JCAD: variants seen among roughly 807,000 people sequenced by gnomAD.
The protein encoded by JCAD is junctional cadherin 5 associated.
JCAD carries 40 observed loss-of-function variants against 98.0 expected under a neutral mutation model. The observed-to-expected ratio is 0.41, with a 90% CI of 0.32 to 0.53. JCAD has a LOEUF of 0.53. Among genes scored for constraint, JCAD ranks in the 20% least tolerant of loss-of-function variants. The probability of loss-of-function intolerance (pLI) is 0.31; values close to 1 mark genes in which losing one functional copy is unlikely to be tolerated. For synonymous variants in JCAD, 691 were observed against 682.3 expected, an observed-to-expected ratio of 1.01 and a Z score of -0.20; for missense variants, 1,705 against 1,738.1, an observed-to-expected ratio of 0.98 and a Z score of 0.34.
In JCAD at chr10:30,025,898, TA is replaced by T. The variant is rs534750709; in HGVS notation, c.4045+204del. 7.2e-4 allele frequency: 466 copies of T among 650,474 alleles called. 5 individuals carry two copies. In the East Asian group the frequency reaches 0.013, roughly 18 times the overall value. 40.3% of individuals were successfully genotyped at this position (650,474 alleles called of 1,614,324 possible). A position where few individuals can be genotyped will look rare whatever the true frequency, so the allele number is the denominator to read the frequency against. On this transcript the variant is annotated intron_variant, in intron 3 of 3. Coordinates refer to ENST00000375377, the MANE Select transcript of JCAD (RefSeq NM_020848.4). ...AGAGTGAGATACTATCTCAAAAAAA[TA>T]AAATATACTGCAAGATCTTGAATTT...
chr10:30,094,606 C>T (rs138908426), intron 1 of JCAD, among the ~76,000 whole-genome samples: 6 of 152,270 alleles, frequency 3.9e-5, no homozygotes, highest in African/African-American at 7.2e-5. Context: ...TGAAAGCAGA[C>T]GAGTGCTACT....
At chr10:30,032,603 AT>A (rs1305206736) in intron 2 of JCAD, among the ~76,000 whole-genome samples, 1 of 152,200 alleles carries the variant, frequency 6.6e-6, no homozygotes, top group Non-Finnish European at 1.5e-5. Context: ...ACAGTAATGG[AT>A]TCATTGTTGA....
chr10:30,035,743 C>T (rs1421489168), intron 2 of JCAD, among the ~76,000 whole-genome samples: 2 of 152,198 alleles, frequency 1.3e-5, no homozygotes, highest in African/African-American at 4.8e-5. Flanking sequence ...GGAAAACATG[C>T]TGAACACATT....
At chr10:30,080,935 G>A (rs1838072084) in intron 1 of JCAD, among the ~76,000 whole-genome samples, 1 of 152,192 alleles carries the variant, frequency 6.6e-6, no homozygotes, top group Admixed American at 6.5e-5. Context: ...CCTCTTTCAT[G>A]ACTTGTTCTC....
chr10:30,027,880 G>A lies in JCAD; in HGVS notation c.2268C>T (p.Leu756=). Residue 756 remains leucine (L), a synonymous_variant, in exon 3 of 4, where the codon CTC becomes CTT. Coordinates refer to ENST00000375377, the MANE Select transcript of JCAD (RefSeq NM_020848.4). The part of the protein sequence containing the change: ...SARNLKGHRS[L]SPSSNSAFSR... ...AGAACGCACTGTTGCTGGATGGGCTGAGGGACCTGTGACCTTTCAGGTTAC... is the reference window on the plus strand; with the variant it reads ...AGAACGCACTGTTGCTGGATGGGCTAAGGGACCTGTGACCTTTCAGGTTAC... 1 of 1,614,248 alleles carries A rather than the reference G, an allele frequency of 6.2e-7. No homozygotes were observed. Among genetic ancestry groups the A allele is most frequent in the Non-Finnish European group, 8.5e-7 (1 of 1,180,036 alleles).
chr10:30,059,410 A>C lies in JCAD; in HGVS notation c.-60+72T>G, dbSNP rs1454403440. 2 of 151,500 alleles carry C rather than the reference A, an allele frequency of 1.3e-5. No homozygotes were observed. Among genetic ancestry groups the C allele is most frequent in the East Asian group, 3.9e-4 (2 of 5,164 alleles). The allele number at this position is 151,500 out of a possible 1,614,324, so 9.4% of individuals were successfully genotyped here. On this transcript the variant is annotated intron_variant, in intron 1 of 3. Transcript: ENST00000375377. The surrounding 1 kb of genome is among the most constrained non-coding windows in gnomAD (Gnocchi z 5.0). ...GGGGGAGTGCGGGAGGCTGCGGGTG[A>C]GGCCCGCGAAGCGCCGTGGGAGCGG...
intron 1 of JCAD, among the ~76,000 whole-genome samples, chr10:30,070,911 G>T (rs1302472737): frequency 6.6e-6 from 1 of 152,116 alleles, no homozygotes. Flanking sequence ...GTTGTTGTTT[G>T]TTTGTTTGTT....
chr10:30,054,563 CTT>C lies in JCAD; in HGVS notation c.-60+4917_-60+4918del, dbSNP rs529019209. On this transcript the variant is annotated intron_variant, in intron 1 of 3. Coordinates refer to ENST00000375377, the MANE Select transcript of JCAD (RefSeq NM_020848.4). ...CATCACCAATCATCATTATTCATAACTTAATATATTAACATATTACATAACTT... is the reference window on the plus strand; with the variant it reads ...CATCACCAATCATCATTATTCATAACAATATATTAACATATTACATAACTT... Among the ~76,000 whole-genome samples, 691 of 151,834 alleles carry C rather than the reference CTT, an allele frequency of 4.6e-3. 10 individuals carry two copies. In the South Asian group the frequency reaches 0.051, roughly 11 times the overall value.
intron 2 of JCAD, among the ~76,000 whole-genome samples, chr10:30,040,659 G>T (rs1356277692): frequency 6.6e-6 from 1 of 152,222 alleles, no homozygotes; most frequent in Non-Finnish European, 1.5e-5. Context: ...GTTTCTGAGA[G>T]CCTGAAGGAC....
chr10:30,089,854 C>T (rs1289926662), intron 1 of JCAD, among the ~76,000 whole-genome samples: 1 of 152,118 alleles, frequency 6.6e-6, no homozygotes, highest in Non-Finnish European at 1.5e-5. Flanking sequence ...CTCTGCTGTA[C>T]AAAAGTGATT....
At chr10:30,049,342 T>C (rs1837420868) in intron 1 of JCAD, among the ~76,000 whole-genome samples, 1 of 152,226 alleles carries the variant, frequency 6.6e-6, no homozygotes, top group African/African-American at 2.4e-5. Flanking sequence ...AAACGCCTGC[T>C]GGCCCGTGTG....
intron 1 of JCAD, among the ~76,000 whole-genome samples, chr10:30,092,245 G>A (rs186663109): frequency 1.3e-4 from 20 of 150,576 alleles, no homozygotes; most frequent in African/African-American, 4.6e-4. Context: ...GAGAATGGCC[G>A]AGAAAGCAGA....
At chr10:30,020,125 G>A (rs959462319) in intron 3 of JCAD, among the ~76,000 whole-genome samples, 4 of 151,770 alleles carry the variant, frequency 2.6e-5, no homozygotes, top group African/African-American at 9.7e-5. Flanking sequence ...GGTCGAGTTG[G>A]AGACCAGCCT....
At chr10:30,084,015 A>T (rs3909033) in intron 1 of JCAD, among the ~76,000 whole-genome samples, 1 of 151,942 alleles carries the variant, frequency 6.6e-6, no homozygotes, top group Admixed American at 6.6e-5. Context: ...GAGTGAATGA[A>T]AAAAAGAAAG....
rs1309962221 is a variant in JCAD, at chr10:30,016,773, T to C, written c.*1110A>G. On this transcript the variant is annotated 3_prime_UTR_variant, in exon 4 of 4. Coordinates refer to ENST00000375377, the MANE Select transcript of JCAD (RefSeq NM_020848.4). ...GTTGATACGGCAGCAAAAATTGTCA[T>C]GACAATGTTGGCTGGTTTTCAGAGG... 2.0e-5 allele frequency: 3 copies of C among 152,226 alleles called. No homozygotes were observed. Among genetic ancestry groups the C allele is most frequent in the Non-Finnish European group, 4.4e-5 (3 of 68,046 alleles). The allele number at this position is 152,226 out of a possible 1,614,324, so 9.4% of individuals were successfully genotyped here.
Position 30,026,507 on chromosome 10 carries a change from G to T in JCAD, c.3641C>A (p.Ser1214Tyr), listed in dbSNP as rs188362362. The change falls in exon 3 of 4, where the codon TCC (serine) becomes TAC (tyrosine). Residue 1214 changes from serine (S) to tyrosine (Y), a missense_variant. Transcript: ENST00000375377. ...KDVETKPPFRSTLFHFVERTP... is the reference protein window; with the variant it reads ...KDVETKPPFRYTLFHFVERTP... ...TCTTTCTACAAAATGGAATAAAGTG[G>T]ACCTGAAGGGTGGTTTTGTTTCCAC... The T allele has an allele frequency of 6.2e-7, 1 of 1,614,236 alleles. No homozygotes were observed. The highest frequency in any genetic ancestry group is 8.5e-7 in the Non-Finnish European group (1 of 1,180,044).
At chr10:30,067,872 G>A (rs1837812974) in intron 2 of JCAD, among the ~76,000 whole-genome samples, 1 of 152,138 alleles carries the variant, frequency 6.6e-6, no homozygotes, top group African/African-American at 2.4e-5. Context: ...TGCATACCTA[G>A]GCTACGTGCT....
intron 1 of JCAD, among the ~76,000 whole-genome samples, chr10:30,089,602 G>A (rs1838227931): frequency 6.6e-6 from 1 of 151,130 alleles, no homozygotes; most frequent in African/African-American, 2.4e-5. Flanking sequence ...CTTTTCAAAA[G>A]TCCCTTCTGA....
intron 1 of JCAD, among the ~76,000 whole-genome samples, chr10:30,113,174 G>T (rs61841153): frequency 0.21 from 31,842 of 152,054 alleles, 3,761 homozygotes; most frequent in East Asian, 0.32. Flanking sequence ...TGAATAGGAG[G>T]GTCAAAGAAA....
Sources: allele counts gnomAD v4.1 joint callset (sites outside exome capture counted in the v4.1 genomes callset), GRCh38; gene constraint gnomAD v4.1.1; non-coding constraint Gnocchi (gnomAD v3.1); transcripts MANE v1.5; gene names NCBI Gene and HGNC (gene_info 2026-07-23, HGNC 2026-07-21).